Variants in SRSF11 observed in about 807,000 individuals in gnomAD.
The protein encoded by SRSF11 is serine/arginine-rich splicing factor 11.
A neutral mutation model predicts 56.0 loss-of-function variants in SRSF11; 9 were observed. That is an observed-to-expected ratio of 0.16 (90% confidence interval 0.10 to 0.28). The LOEUF (loss-of-function observed/expected upper bound fraction) is 0.28, where lower values mean the gene tolerates loss of function less well. SRSF11 is among the 10% of genes least tolerant of loss of function. SRSF11 has a pLI of 1.00. For missense variants in SRSF11, 421 were observed against 600.7 expected (o/e 0.70, Z 3.13); for synonymous variants, 222 against 215.3 (o/e 1.03, Z -0.27).
chr1:70,241,841 TTA>T (rs1675482059), intron 7 of SRSF11, among the ~76,000 whole-genome samples: 1 of 152,216 alleles, frequency 6.6e-6, no homozygotes, highest in African/African-American at 2.4e-5. Flanking sequence ...TTACTACAAT[TTA>T]TATGTGTTTC....
chr1:70,224,172 A>G (rs921695120), intron 1 of SRSF11, among the ~76,000 whole-genome samples: 2 of 152,170 alleles, frequency 1.3e-5, no homozygotes, highest in Non-Finnish European at 2.9e-5. Flanking sequence ...CCCTCCCTGC[A>G]TCATGTTATA....
chr1:70,214,538 G>A (rs143424791), intron 1 of SRSF11, among the ~76,000 whole-genome samples: 3 of 152,062 alleles, frequency 2.0e-5, no homozygotes, highest in African/African-American at 4.8e-5. Context: ...TAATTTTAGG[G>A]TGTTCACAGA....
chr1:70,221,736 G>A lies in SRSF11; in HGVS notation c.100G>A (p.Val34Ile), dbSNP rs756738348. The A allele has an allele frequency of 6.2e-7, 1 of 1,614,146 alleles. No homozygotes were observed. Among genetic ancestry groups the A allele is most frequent in the Non-Finnish European group, 8.5e-7 (1 of 1,180,014 alleles). The change falls in exon 1 of 12, where the codon GTA becomes ATA. Residue 34 changes from valine (V) to isoleucine (I), a missense_variant. By Grantham distance (29) the Val-to-Ile change is conservative (BLOSUM62 3). Around this residue, in one of 2 missense-constraint regions of SRSF11, gnomAD observed 168 missense variants for 294.9 expected, o/e 0.57. Coordinates refer to ENST00000370949, the MANE Select transcript of SRSF11 (RefSeq NM_001350605.2). The part of the protein sequence containing the change: ...GGGGGGGGTE[V>I]IQVTNVSPSA... ...TGGCGGCGGAGGCGGCGGCACCGAG[G>A]TAATCCAGGTGACTAATGTCTCCCC...
intron 7 of SRSF11, 24 bp downstream of exon 7, chr1:70,239,544 A>T: frequency 6.7e-7 from 1 of 1,502,004 alleles, no homozygotes; most frequent in South Asian, 1.2e-5. Flanking sequence ...TTAGTCAATT[A>T]TACCTTAGAC....
chr1:70,224,012 T>G (rs185690839), intron 1 of SRSF11, among the ~76,000 whole-genome samples: 32 of 152,304 alleles, frequency 2.1e-4, no homozygotes, highest in African/African-American at 7.0e-4. Context: ...ACTGAACATG[T>G]ACAGACTTTT....
At chr1:70,242,165 T>TAAAA (rs369129508) in intron 7 of SRSF11, among the ~76,000 whole-genome samples, 1 of 135,960 alleles carries the variant, frequency 7.4e-6, no homozygotes, top group Non-Finnish European at 1.6e-5. Context: ...GACTCCGTCT[T>TAAAA]AAAAAAAAAA....
At chr1:70,207,572 A>C (rs1336120375) in intron 1 of SRSF11, among the ~76,000 whole-genome samples, 2 of 152,018 alleles carry the variant, frequency 1.3e-5, no homozygotes, top group African/African-American at 4.8e-5. Context: ...GTTGTTTTTA[A>C]GAAGATTTCT....
chr1:70,214,691 TTGTC>T (rs1354737027), intron 1 of SRSF11, among the ~76,000 whole-genome samples: 2 of 152,158 alleles, frequency 1.3e-5, no homozygotes, highest in Non-Finnish European at 2.9e-5. Context: ...ATGTGTTCTT[TTGTC>T]TGTCAGTCAG....
chr1:70,223,453 T>C (rs926501845), intron 1 of SRSF11, among the ~76,000 whole-genome samples: 1 of 152,202 alleles, frequency 6.6e-6, no homozygotes, highest in African/African-American at 2.4e-5. Flanking sequence ...TGTTTTGTAA[T>C]CAAATGAATA....
chr1:70,247,931 A>G (rs1009755067), intron 9 of SRSF11, among the ~76,000 whole-genome samples: 1 of 152,132 alleles, frequency 6.6e-6, no homozygotes. Flanking sequence ...ATCATTAGTC[A>G]CCAAGGAAAT....
In SRSF11 at chr1:70,251,602, T is replaced by C. The variant is rs1455285938; in HGVS notation, c.*797T>C. On this transcript the variant is annotated 3_prime_UTR_variant, in exon 12 of 12. Transcript: ENST00000370949. ...AAGCTATCTACCTATCCTGAGTCTA[T>C]CTTAAAGGAAAAAAAGAAAAAAACC... 6.6e-6 allele frequency: 1 copy of C among 152,434 alleles called. No homozygotes were observed. The highest frequency in any genetic ancestry group is 2.4e-5 in the African/African-American group (1 of 41,454). 9.4% of individuals were successfully genotyped at this position (152,434 alleles called of 1,614,324 possible).
chr1:70,230,424 T>A, intron 2 of SRSF11: 6 of 1,171,196 alleles, frequency 5.1e-6, no homozygotes, highest in Non-Finnish European at 6.4e-6. Flanking sequence ...ATAGTCTTAA[T>A]TGGTAAAACT....
chr1:70,213,965 C>CAG (rs1294328043), intron 1 of SRSF11, among the ~76,000 whole-genome samples: 1 of 152,088 alleles, frequency 6.6e-6, no homozygotes, highest in Non-Finnish European at 1.5e-5. Context: ...ATGAAATGTA[C>CAG]TGATTTGAGT....
At chr1:70,224,562 G>A (rs534288386) in intron 1 of SRSF11, among the ~76,000 whole-genome samples, 13 of 152,026 alleles carry the variant, frequency 8.6e-5, no homozygotes, top group Non-Finnish European at 1.5e-4. Flanking sequence ...TCTTCATTTC[G>A]GTTCTGAATG....
At chr1:70,229,779 G>A (rs1672508894) in intron 2 of SRSF11, 1 of 983,952 alleles carries the variant, frequency 1.0e-6, no homozygotes, top group Non-Finnish European at 1.2e-6. Context: ...GTTGCCTCTG[G>A]TTTTCTAAAG....
At chr1:70,244,847 G>T (rs760343763) in intron 8 of SRSF11, 32 bp downstream of exon 8, 1 of 1,612,052 alleles carries the variant, frequency 6.2e-7, no homozygotes. Flanking sequence ...CAAATTTTAG[G>T]GTTCCCAGTA....
chr1:70,229,621 GCTTTC>G (rs1257372345), intron 2 of SRSF11: 3 of 983,400 alleles, frequency 3.1e-6, no homozygotes, highest in Non-Finnish European at 3.6e-6. Context: ...GGATTTAAAT[GCTTTC>G]CCCTTTCCTT....
At chr1:70,242,206 A>G (rs1420482719) in intron 7 of SRSF11, among the ~76,000 whole-genome samples, 2 of 150,946 alleles carry the variant, frequency 1.3e-5, no homozygotes, top group Non-Finnish European at 3.0e-5. Flanking sequence ...CTTTTTCTTT[A>G]TATTAAATCT....
At chr1:70,205,744 C>T in exon 1 of SRSF11, 1 of 480,634 alleles carries the variant, frequency 2.1e-6, no homozygotes, top group Non-Finnish European at 3.7e-6. Flanking sequence ...TTTCCGTTGC[C>T]GGTGCCGGCC....
Sources: allele counts gnomAD v4.1 joint callset (sites outside exome capture counted in the v4.1 genomes callset), GRCh38; gene constraint gnomAD v4.1.1; regional missense constraint gnomAD v4.1.1; transcripts MANE v1.5; gene names NCBI Gene and HGNC (gene_info 2026-07-23, HGNC 2026-07-21).